The following FOXN3 variants were observed in gnomAD, a reference collection of about 807,000 sequenced individuals.
FOXN3 encodes the protein forkhead box protein N3.
FOXN3 carries 7 observed loss-of-function variants against 38.4 expected under a neutral mutation model. The observed-to-expected ratio is 0.18, with a 90% confidence interval of 0.10 to 0.34. FOXN3 has a LOEUF of 0.34. FOXN3 is among the 10% of genes least tolerant of loss of function. The probability of loss-of-function intolerance (pLI) is 1.00; values close to 1 mark genes in which losing one functional copy is unlikely to be tolerated. For missense variants in FOXN3, 456 were observed against 613.4 expected (o/e 0.74, Z 2.71); for synonymous variants, 230 against 242.2 (o/e 0.95, Z 0.47).
chr14:89,614,059 T>C (rs1391214477), intron 1 of FOXN3, among the ~76,000 whole-genome samples: 1 of 152,208 alleles, frequency 6.6e-6, no homozygotes, highest in Admixed American at 6.5e-5. Flanking sequence ...AACAATCTCA[T>C]CATTGAGGAG....
At chr14:89,232,151 G>C (rs1884832146) in intron 4 of FOXN3, among the ~76,000 whole-genome samples, 1 of 152,198 alleles carries the variant, frequency 6.6e-6, no homozygotes, top group African/African-American at 2.4e-5. Context: ...TCCACATCTA[G>C]GCCTGCCCCA....
At chr14:89,261,915 C>T (rs1384476126) in intron 4 of FOXN3, among the ~76,000 whole-genome samples, 3 of 151,908 alleles carry the variant, frequency 2.0e-5, no homozygotes, top group African/African-American at 4.8e-5. Flanking sequence ...GGCGACAGAG[C>T]GAGACTCCGT....
intron 1 of FOXN3, among the ~76,000 whole-genome samples, chr14:89,464,985 C>T (rs766587707): frequency 9.2e-5 from 14 of 152,032 alleles, no homozygotes; most frequent in East Asian, 3.9e-4. Context: ...CGTGAGCCAC[C>T]GCACCTGACT....
At chr14:89,607,557 T>A in intron 1 of FOXN3, among the ~76,000 whole-genome samples, 1 of 145,242 alleles carries the variant, frequency 6.9e-6, no homozygotes, top group Non-Finnish European at 1.5e-5. Context: ...AGACCGTGTC[T>A]TAAAAAAAAA....
chr14:89,468,259 G>C (rs1893021604), intron 1 of FOXN3, among the ~76,000 whole-genome samples: 1 of 151,934 alleles, frequency 6.6e-6, no homozygotes, highest in Non-Finnish European at 1.5e-5. Flanking sequence ...TTCAAGACCA[G>C]CCTGGCCAAC....
At chr14:89,523,154 C>T (rs1203972218) in intron 1 of FOXN3, among the ~76,000 whole-genome samples, 2 of 152,102 alleles carry the variant, frequency 1.3e-5, no homozygotes, top group East Asian at 3.9e-4. Flanking sequence ...GTCAGTTAAT[C>T]AAAAGAACAT....
intron 5 of FOXN3, among the ~76,000 whole-genome samples, chr14:89,179,339 C>T (rs986912242): frequency 2.6e-5 from 4 of 152,168 alleles, no homozygotes; most frequent in Non-Finnish European, 2.9e-5. Flanking sequence ...AAGACAAGCT[C>T]GTGGAGAAGC....
chr14:89,357,704 G>A (rs916993696), intron 2 of FOXN3, among the ~76,000 whole-genome samples: 1 of 152,094 alleles, frequency 6.6e-6, no homozygotes, highest in Non-Finnish European at 1.5e-5. Flanking sequence ...TTGATATTCA[G>A]TAATGGTGTG....
At chr14:89,566,652 CG>C (rs1421705198) in intron 1 of FOXN3, among the ~76,000 whole-genome samples, 6 of 152,168 alleles carry the variant, frequency 3.9e-5, no homozygotes, top group Non-Finnish European at 7.4e-5. Flanking sequence ...TGTTGGTTTT[CG>C]GGAAATGAGA....
At chr14:89,491,904 G>A (rs887384488) in intron 1 of FOXN3, among the ~76,000 whole-genome samples, 1 of 152,138 alleles carries the variant, frequency 6.6e-6, no homozygotes, top group Non-Finnish European at 1.5e-5. Flanking sequence ...TCAGCCTAGC[G>A]CTTTACATTT....
At chr14:89,363,947 A>AATAAATATATATATTAT (rs1198064384) in intron 2 of FOXN3, among the ~76,000 whole-genome samples, 2 of 111,366 alleles carry the variant, frequency 1.8e-5, no homozygotes, top group African/African-American at 1.0e-4. Flanking sequence ...CTGTCTGTAA[A>AATAAATATATATATTAT]ATATATATAT....
intron 2 of FOXN3, among the ~76,000 whole-genome samples, chr14:89,384,501 T>C (rs951013078): frequency 1.3e-5 from 2 of 152,176 alleles, no homozygotes; most frequent in Admixed American, 6.5e-5. Context: ...AAACAACTAA[T>C]GACTTTCATT....
At chr14:89,361,003 C>G (rs867825732) in intron 2 of FOXN3, among the ~76,000 whole-genome samples, 1 of 1,068 alleles carries the variant, frequency 9.4e-4, no homozygotes, top group Non-Finnish European at 2.2e-3. Context: ...ACCACCTCCA[C>G]CACCACCTCC....
chr14:89,211,505 A>C (rs1451002483), intron 4 of FOXN3, among the ~76,000 whole-genome samples: 1 of 152,240 alleles, frequency 6.6e-6, no homozygotes, highest in Admixed American at 6.5e-5. Flanking sequence ...AGTCGCTTAT[A>C]CTGAAGAAAG....
intron 3 of FOXN3, among the ~76,000 whole-genome samples, chr14:89,316,372 A>ATTG (rs1323518149): frequency 6.6e-6 from 1 of 151,546 alleles, no homozygotes; most frequent in African/African-American, 2.4e-5. Flanking sequence ...GCAAACAATG[A>ATTG]TTCTTCTTCT....
intron 3 of FOXN3, among the ~76,000 whole-genome samples, chr14:89,342,430 A>G (rs1407896741): frequency 6.6e-6 from 1 of 152,254 alleles, no homozygotes; most frequent in Non-Finnish European, 1.5e-5. Context: ...AATGCTGAGA[A>G]CAAAATTATT....
At chr14:89,370,632 A>C (rs1807915318) in intron 2 of FOXN3, among the ~76,000 whole-genome samples, 1 of 152,248 alleles carries the variant, frequency 6.6e-6, no homozygotes, top group Admixed American at 6.5e-5. Context: ...AGAAATGTTT[A>C]AAGGGAATAA....
At chr14:89,245,673 A>T (rs1885272224) in intron 4 of FOXN3, among the ~76,000 whole-genome samples, 1 of 152,260 alleles carries the variant, frequency 6.6e-6, no homozygotes, top group Non-Finnish European at 1.5e-5. Flanking sequence ...TGAGTGAGAA[A>T]GAAGAAATTT....
chr14:89,364,681 C>G (rs1890084634), intron 2 of FOXN3: 1 of 152,206 alleles, frequency 6.6e-6, no homozygotes, highest in Admixed American at 6.5e-5. Context: ...GTTCTAAAAG[C>G]TATAAAGACG....
Sources: gnomAD v4.1 joint callset for allele counts (sites outside exome capture counted in the v4.1 genomes callset) on GRCh38, gnomAD v4.1.1 for gene constraint, MANE v1.5 for transcripts, NCBI Gene and HGNC (gene_info 2026-07-23, HGNC 2026-07-21) for gene names.